Variants in UBR3 observed in about 807,000 individuals in gnomAD.
The protein encoded by UBR3 is ubiquitin protein ligase E3 component n-recognin 3.
Under a neutral mutation model 243.2 loss-of-function variants are expected in UBR3, and 85 were observed. The observed-to-expected ratio is 0.35, with a 90% CI of 0.29 to 0.42. UBR3 has a LOEUF of 0.42. Ranked by LOEUF, UBR3 falls within the 10% of genes least tolerant of loss-of-function variation. The pLI is 1.00. For synonymous variants in UBR3, 748 were observed against 799.8 expected, an observed-to-expected ratio of 0.94 and a Z score of 1.09; for missense variants, 1,686 against 2,300.8, an observed-to-expected ratio of 0.73 and a Z score of 5.47.
chr2:169,959,257 G>A (rs964052468), intron 24 of UBR3, among the ~76,000 whole-genome samples: 5 of 152,080 alleles, frequency 3.3e-5, no homozygotes, highest in Non-Finnish European at 7.4e-5. Flanking sequence ...GAAATGTATA[G>A]CGATCAGTTC....
At chr2:169,891,439 G>A (rs1371713197) in intron 6 of UBR3, among the ~76,000 whole-genome samples, 1 of 152,040 alleles carries the variant, frequency 6.6e-6, no homozygotes, top group African/African-American at 2.4e-5. Context: ...CATAAAATAT[G>A]CATTATCATA....
chr2:169,985,962 G>A (rs1449144689), intron 24 of UBR3, among the ~76,000 whole-genome samples: 1 of 152,076 alleles, frequency 6.6e-6, no homozygotes, highest in Non-Finnish European at 1.5e-5. Flanking sequence ...ACCAGTGGCA[G>A]CATCACTTAT....
At chr2:169,865,882 G>T (rs1425500251) in intron 1 of UBR3, among the ~76,000 whole-genome samples, 1 of 152,086 alleles carries the variant, frequency 6.6e-6, no homozygotes, top group Non-Finnish European at 1.5e-5. Context: ...GGGCACGGTG[G>T]CTAACGCCTG....
At chr2:169,990,715 A>G (rs2089233178) in intron 25 of UBR3, among the ~76,000 whole-genome samples, 1 of 93,452 alleles carries the variant, frequency 1.1e-5, no homozygotes, top group Admixed American at 1.2e-4. Flanking sequence ...AAAAAAAGTT[A>G]TACACACACA....
intron 1 of UBR3, among the ~76,000 whole-genome samples, chr2:169,867,517 C>T (rs1015736077): frequency 2.6e-5 from 4 of 152,036 alleles, no homozygotes; most frequent in African/African-American, 9.7e-5. Flanking sequence ...AGGAGTATTT[C>T]TGTATAATAA....
chr2:169,967,616 G>A (rs1028553422), intron 24 of UBR3, among the ~76,000 whole-genome samples: 3 of 152,084 alleles, frequency 2.0e-5, no homozygotes, highest in Non-Finnish European at 4.4e-5. Context: ...AATAGCTACT[G>A]GGTGGATAAG....
At chr2:169,939,923 G>A (rs1047904179) in intron 19 of UBR3, among the ~76,000 whole-genome samples, 7 of 151,936 alleles carry the variant, frequency 4.6e-5, no homozygotes, top group African/African-American at 1.7e-4. Flanking sequence ...TGGATACTTG[G>A]TCATTGCTGT....
intron 20 of UBR3, among the ~76,000 whole-genome samples, chr2:169,944,072 C>T (rs1234425458): frequency 6.6e-6 from 1 of 151,938 alleles, no homozygotes; most frequent in Non-Finnish European, 1.5e-5. Context: ...TGCTCTTTTT[C>T]TTTATTAAAA....
chr2:169,908,871 T>C (rs2085129593), intron 10 of UBR3, among the ~76,000 whole-genome samples: 1 of 147,362 alleles, frequency 6.8e-6, no homozygotes, highest in Admixed American at 7.0e-5. Flanking sequence ...TCACCCAGGC[T>C]GGAATGCAGT....
intron 8 of UBR3, among the ~76,000 whole-genome samples, chr2:169,904,218 A>T (rs2084931320): frequency 6.6e-6 from 1 of 152,132 alleles, no homozygotes; most frequent in Non-Finnish European, 1.5e-5. Context: ...TTCATATGTC[A>T]TTAGTTCATA....
intron 24 of UBR3, among the ~76,000 whole-genome samples, chr2:169,976,437 T>A (rs995303790): frequency 1.1e-4 from 16 of 152,150 alleles, no homozygotes; most frequent in Admixed American, 2.6e-4. Flanking sequence ...TCTTGTAAGT[T>A]TGGTCTAGTG....
At chr2:169,900,183 G>A (rs892153115) in intron 8 of UBR3, among the ~76,000 whole-genome samples, 30 of 152,086 alleles carry the variant, frequency 2.0e-4, no homozygotes, top group African/African-American at 7.0e-4. Context: ...TTTAATGATC[G>A]CCGTTCTGAC....
At chr2:169,952,566 G>T (rs999215210) in intron 23 of UBR3, among the ~76,000 whole-genome samples, 3 of 152,088 alleles carry the variant, frequency 2.0e-5, no homozygotes, top group African/African-American at 7.2e-5. Flanking sequence ...GTGGTGGCGT[G>T]TGCCTGTAGT....
At chr2:170,040,194 A>G (rs2090932602) in intron 31 of UBR3, among the ~76,000 whole-genome samples, 1 of 152,186 alleles carries the variant, frequency 6.6e-6, no homozygotes, top group Non-Finnish European at 1.5e-5. Context: ...GCTGGAGTGC[A>G]GCAGCACAAT....
At chr2:170,032,884 A>G (rs1214462040) in intron 31 of UBR3, among the ~76,000 whole-genome samples, 1 of 152,004 alleles carries the variant, frequency 6.6e-6, no homozygotes, top group African/African-American at 2.4e-5. Context: ...ATAGGGAGAT[A>G]CTTTGAGACT....
chr2:170,076,781 C>G (rs1297014664), intron 36 of UBR3, among the ~76,000 whole-genome samples: 2 of 152,202 alleles, frequency 1.3e-5, no homozygotes, highest in Non-Finnish European at 2.9e-5. Flanking sequence ...GGCTGAGCTT[C>G]TGGTGATTGG....
At chr2:169,918,963 G>A (rs2085576577) in intron 11 of UBR3, among the ~76,000 whole-genome samples, 1 of 152,138 alleles carries the variant, frequency 6.6e-6, no homozygotes, top group African/African-American at 2.4e-5. Context: ...GGTGCTATGT[G>A]GGACCATAAA....
At chr2:169,959,354 CT>C (rs1190127342) in intron 24 of UBR3, among the ~76,000 whole-genome samples, 1 of 146,938 alleles carries the variant, frequency 6.8e-6, no homozygotes, top group Non-Finnish European at 1.5e-5. Flanking sequence ...TTGAGCACCC[CT>C]AATCTGAAAA....
intron 20 of UBR3, 80 bp downstream of exon 20, chr2:169,942,714 A>T (rs2086639384): frequency 2.3e-6 from 3 of 1,312,656 alleles, no homozygotes; most frequent in Non-Finnish European, 3.0e-6. Context: ...TATTTACATA[A>T]AAGTACCACT....
Sources: gnomAD v4.1 joint callset for allele counts (sites outside exome capture counted in the v4.1 genomes callset) on GRCh38, gnomAD v4.1.1 for gene constraint, MANE v1.5 for transcripts, NCBI Gene and HGNC (gene_info 2026-07-23, HGNC 2026-07-21) for gene names.